The following PDLIM5 variants were observed in gnomAD, a reference collection of about 807,000 sequenced individuals.
PDLIM5 encodes PDZ and LIM domain 5.
A neutral mutation model predicts 64.2 loss-of-function variants in PDLIM5; 34 were observed. The observed-to-expected ratio is 0.53, with a 90% CI of 0.40 to 0.71. PDLIM5 has a LOEUF of 0.71. Ranked by LOEUF, PDLIM5 falls within the 30% of genes least tolerant of loss-of-function variation. The pLI is 0.00. For missense variants in PDLIM5, 683 were observed against 733.6 expected (o/e 0.93, Z 0.80); for synonymous variants, 253 against 269.1 (o/e 0.94, Z 0.59).
At chr4:94,587,451 T>A in intron 7 of PDLIM5, 1 of 952,260 alleles carries the variant, frequency 1.1e-6, no homozygotes, top group Non-Finnish European at 1.3e-6. Context: ...AGTCCTTGTC[T>A]AATTTGGAAA....
chr4:94,482,839 T>C (rs1427543673), intron 2 of PDLIM5, among the ~76,000 whole-genome samples: 2 of 152,254 alleles, frequency 1.3e-5, no homozygotes, highest in East Asian at 3.9e-4. Context: ...CCCTGAGCCA[T>C]GATCGTGCCA....
Position 94,575,757 on chromosome 4 carries a change from T to C in PDLIM5, c.433T>C (p.Ser145Pro). 6.2e-7 allele frequency: 1 copy of C among 1,614,090 alleles called. No individual in the cohort carries two copies. The highest frequency in any genetic ancestry group is 8.5e-7 in the Non-Finnish European group (1 of 1,180,008). ...VSSPKVTSIP[S>P]PSSAFTPAHA... ...TTCACCAAAAGTCACATCCATCCCA[T>C]CACCATCGTCTGCCTTCACCCCAGC... Residue 145 changes from serine (S) to proline (P), a missense_variant, in exon 5 of 13, where the codon TCA (serine) becomes CCA (proline). Coordinates refer to ENST00000317968, the MANE Select transcript of PDLIM5 (RefSeq NM_006457.5).
At chr4:94,485,943 GGTCA>G (rs972223738) in intron 2 of PDLIM5, among the ~76,000 whole-genome samples, 4 of 151,968 alleles carry the variant, frequency 2.6e-5, no homozygotes, top group Non-Finnish European at 4.4e-5. Context: ...TGTGGTGAAA[GGTCA>G]GTCAATTACG....
intron 9 of PDLIM5, among the ~76,000 whole-genome samples, chr4:94,645,759 T>G (rs1741364661): frequency 6.6e-6 from 1 of 152,194 alleles, no homozygotes; most frequent in Non-Finnish European, 1.5e-5. Context: ...CCGACTTCAG[T>G]CTTTCTAATT....
At chr4:94,533,861 A>G (rs1731099257) in intron 3 of PDLIM5, among the ~76,000 whole-genome samples, 1 of 152,158 alleles carries the variant, frequency 6.6e-6, no homozygotes, top group Non-Finnish European at 1.5e-5. Context: ...AGAGAGGGAA[A>G]TCAGTAGGTC....
chr4:94,525,395 G>A (rs1454575217), intron 3 of PDLIM5, among the ~76,000 whole-genome samples: 7 of 151,926 alleles, frequency 4.6e-5, no homozygotes, highest in Admixed American at 2.0e-4. Flanking sequence ...TCCAGCCTGG[G>A]CAACGGAGCG....
chr4:94,492,967 T>C (rs921654034), intron 2 of PDLIM5, among the ~76,000 whole-genome samples: 1 of 152,212 alleles, frequency 6.6e-6, no homozygotes, highest in African/African-American at 2.4e-5. Context: ...CCAAACTGGG[T>C]GCACCATTTT....
intron 8 of PDLIM5, among the ~76,000 whole-genome samples, chr4:94,626,400 T>TC (rs1181144741): frequency 6.6e-6 from 1 of 152,204 alleles, no homozygotes; most frequent in Admixed American, 6.5e-5. Context: ...CTGAGAAAAG[T>TC]CAAAAGAATT....
intron 3 of PDLIM5, among the ~76,000 whole-genome samples, chr4:94,539,352 G>A (rs1355457047): frequency 1.3e-5 from 2 of 152,046 alleles, no homozygotes; most frequent in African/African-American, 2.4e-5. Flanking sequence ...TGAACTTGTC[G>A]GCTAAAGAGG....
intron 2 of PDLIM5, among the ~76,000 whole-genome samples, chr4:94,466,514 G>A (rs1724379323): frequency 6.6e-6 from 1 of 152,080 alleles, no homozygotes; most frequent in Non-Finnish European, 1.5e-5. Flanking sequence ...GCACCAGTTG[G>A]GTTCCATTTT....
chr4:94,576,794 G>C (rs1735303506), intron 5 of PDLIM5, among the ~76,000 whole-genome samples: 1 of 151,920 alleles, frequency 6.6e-6, no homozygotes, highest in African/African-American at 2.4e-5. Context: ...TAAAAAAATT[G>C]GTTGAAGTTA....
At chr4:94,495,521 A>T (rs893038273) in intron 2 of PDLIM5, among the ~76,000 whole-genome samples, 2 of 151,970 alleles carry the variant, frequency 1.3e-5, no homozygotes, top group Non-Finnish European at 2.9e-5. Flanking sequence ...AAAAAAAAAA[A>T]GGTTTGGCCG....
chr4:94,502,093 C>T (rs1727980774), intron 2 of PDLIM5, among the ~76,000 whole-genome samples: 1 of 151,654 alleles, frequency 6.6e-6, no homozygotes, highest in Non-Finnish European at 1.5e-5. Context: ...TCTTCTGCTT[C>T]CTTTTCTCTC....
At chr4:94,461,493 C>T (rs2126080215) in intron 2 of PDLIM5, among the ~76,000 whole-genome samples, 3 of 151,232 alleles carry the variant, frequency 2.0e-5, no homozygotes, top group Middle Eastern at 6.8e-3. Context: ...GGAAAAATCA[C>T]TTTTCTAGCG....
At chr4:94,596,302 C>T (rs1017665316) in intron 7 of PDLIM5, among the ~76,000 whole-genome samples, 1 of 152,034 alleles carries the variant, frequency 6.6e-6, no homozygotes, top group African/African-American at 2.4e-5. Flanking sequence ...AGTCAGTGTT[C>T]GTAATATGCC....
In PDLIM5 at chr4:94,585,554, C is replaced by G. The variant is rs763310433; in HGVS notation, c.711-11C>G. ...TACAATTTTTAATTTTTTTTTTCTCCTTAACCCTAGCCCACCAAGAAAACA... is the reference window on the plus strand; with the variant it reads ...TACAATTTTTAATTTTTTTTTTCTCGTTAACCCTAGCCCACCAAGAAAACA... On this transcript the variant is annotated splice_polypyrimidine_tract_variant and intron_variant, in intron 5 of 12. Transcript: ENST00000317968. The G allele has an allele frequency of 6.6e-7, 1 of 1,512,104 alleles. No homozygotes were observed. Among genetic ancestry groups the G allele is most frequent in the East Asian group, 2.4e-5 (1 of 42,466 alleles). 93.7% of individuals were successfully genotyped at this position (1,512,104 alleles called of 1,614,324 possible).
chr4:94,564,883 C>G (rs577126698), intron 3 of PDLIM5, among the ~76,000 whole-genome samples: 1 of 151,718 alleles, frequency 6.6e-6, no homozygotes, highest in Admixed American at 6.6e-5. Flanking sequence ...GTCTTGATCT[C>G]CTGACCTCGT....
At chr4:94,573,302 T>C (rs1553960791) in intron 3 of PDLIM5, 49 bp from the exon 4 acceptor site, 5 of 1,482,968 alleles carry the variant, frequency 3.4e-6, no homozygotes, top group Non-Finnish European at 4.7e-6. Context: ...TCTGCAAGTT[T>C]ATAAAAATTC....
At chr4:94,476,380 A>G in intron 2 of PDLIM5, among the ~76,000 whole-genome samples, 1 of 152,294 alleles carries the variant, frequency 6.6e-6, no homozygotes, top group Non-Finnish European at 1.5e-5. Flanking sequence ...ATAGTAATTT[A>G]TAACTAGAGG....
Sources: allele counts gnomAD v4.1 joint callset (sites outside exome capture counted in the v4.1 genomes callset), GRCh38; gene constraint gnomAD v4.1.1; transcripts MANE v1.5; gene names NCBI Gene and HGNC (gene_info 2026-07-23, HGNC 2026-07-21).